The following SLC35F1 variants were observed in gnomAD, a reference collection of about 807,000 sequenced individuals.
SLC35F1 encodes chromosome 6 open reading frame 169.
SLC35F1 carries 14 observed loss-of-function variants against 48.7 expected under a neutral mutation model. That is an observed-to-expected ratio of 0.29 (90% CI 0.19 to 0.45). The LOEUF is 0.45. SLC35F1 is among the 20% of genes least tolerant of loss of function. The pLI, the probability that SLC35F1 is intolerant of heterozygous loss-of-function variation, is 1.00. For missense variants in SLC35F1, 404 were observed against 500.0 expected, an observed-to-expected ratio of 0.81 and a Z score of 1.83; for synonymous variants, 190 against 202.2, an observed-to-expected ratio of 0.94 and a Z score of 0.51.
chr6:117,969,129 T>A (rs1237375282), intron 1 of SLC35F1, among the ~76,000 whole-genome samples: 1 of 152,178 alleles, frequency 6.6e-6, no homozygotes, highest in Non-Finnish European at 1.5e-5. Flanking sequence ...AGAAACAAAC[T>A]GAGAGAGATG....
chr6:118,234,227 G>T (rs1775332967), intron 2 of SLC35F1, among the ~76,000 whole-genome samples: 1 of 152,124 alleles, frequency 6.6e-6, no homozygotes, highest in African/African-American at 2.4e-5. Context: ...CTGCCTCCTG[G>T]TATTCACTCC....
At chr6:117,938,372 C>T (rs1044045912) in intron 1 of SLC35F1, among the ~76,000 whole-genome samples, 1 of 152,222 alleles carries the variant, frequency 6.6e-6, no homozygotes, top group African/African-American at 2.4e-5. Flanking sequence ...ACATTAATAA[C>T]TAAACTCACT....
chr6:118,270,818 G>T (rs1312924920), intron 4 of SLC35F1, among the ~76,000 whole-genome samples: 1 of 152,138 alleles, frequency 6.6e-6, no homozygotes, highest in South Asian at 2.1e-4. Context: ...AAGTTGAAAA[G>T]ATTCAGCACC....
chr6:118,000,283 G>A (rs1311421691), intron 1 of SLC35F1, among the ~76,000 whole-genome samples: 1 of 152,194 alleles, frequency 6.6e-6, no homozygotes, highest in East Asian at 1.9e-4. Context: ...TGTGATGCAA[G>A]GCTGGTTCAA....
At chr6:117,928,682 T>C (rs1776060333) in intron 1 of SLC35F1, among the ~76,000 whole-genome samples, 1 of 152,170 alleles carries the variant, frequency 6.6e-6, no homozygotes, top group African/African-American at 2.4e-5. Flanking sequence ...CACTGTGAGA[T>C]TCCAGACGTA....
At chr6:118,174,933 C>A (rs1774464892) in intron 2 of SLC35F1, among the ~76,000 whole-genome samples, 2 of 151,452 alleles carry the variant, frequency 1.3e-5, no homozygotes, top group South Asian at 2.1e-4. Context: ...GTCTGTAAAC[C>A]ATAAAAGTAC....
intron 1 of SLC35F1, among the ~76,000 whole-genome samples, chr6:118,139,322 C>G (rs1439516663): frequency 6.6e-6 from 1 of 152,126 alleles, no homozygotes; most frequent in African/African-American, 2.4e-5. Flanking sequence ...CCGTGTTAGC[C>G]AGGATGGTCT....
At chr6:118,044,189 T>C (rs1772267574) in intron 1 of SLC35F1, among the ~76,000 whole-genome samples, 1 of 152,214 alleles carries the variant, frequency 6.6e-6, no homozygotes, top group Non-Finnish European at 1.5e-5. Context: ...CTGGAACAGA[T>C]GGCTTATTCA....
At chr6:118,297,756 T>A (rs1776209791) in intron 7 of SLC35F1, among the ~76,000 whole-genome samples, 2 of 144,182 alleles carry the variant, frequency 1.4e-5, no homozygotes, top group Non-Finnish European at 3.0e-5. Flanking sequence ...ATATATATAA[T>A]ATATATATAA....
intron 1 of SLC35F1, among the ~76,000 whole-genome samples, chr6:118,143,544 G>A (rs1773923485): frequency 6.6e-6 from 1 of 152,094 alleles, no homozygotes; most frequent in African/African-American, 2.4e-5. Context: ...CTAAAGGGCA[G>A]GAATCCTCTA....
At chr6:118,077,159 A>T (rs1772834292) in intron 1 of SLC35F1, among the ~76,000 whole-genome samples, 1 of 152,234 alleles carries the variant, frequency 6.6e-6, no homozygotes, top group Non-Finnish European at 1.5e-5. Flanking sequence ...CAACAATACT[A>T]GCAAGATGAA....
chr6:118,164,194 T>C (rs773878403), intron 2 of SLC35F1, among the ~76,000 whole-genome samples: 4 of 152,222 alleles, frequency 2.6e-5, no homozygotes, highest in African/African-American at 9.6e-5. Flanking sequence ...CTTTTAGTGG[T>C]CTATATGAGG....
intron 2 of SLC35F1, among the ~76,000 whole-genome samples, chr6:118,177,995 A>G (rs1054664125): frequency 6.6e-6 from 1 of 152,014 alleles, no homozygotes; most frequent in African/African-American, 2.4e-5. Context: ...GTAGGTGTCA[A>G]ATGATCTCAT....
At chr6:118,222,545 A>G (rs1219525305) in intron 2 of SLC35F1, among the ~76,000 whole-genome samples, 7 of 152,104 alleles carry the variant, frequency 4.6e-5, no homozygotes, top group South Asian at 2.1e-4. Flanking sequence ...ATTTCCCCTC[A>G]TCTACCACCT....
intron 1 of SLC35F1, among the ~76,000 whole-genome samples, chr6:118,139,166 G>A (rs979920328): frequency 9.2e-5 from 14 of 152,226 alleles, no homozygotes; most frequent in East Asian, 5.8e-4. Context: ...AGGCTGGAGC[G>A]CAGTGGTGTG....
chr6:118,159,515 A>G (rs1774196299), intron 2 of SLC35F1, among the ~76,000 whole-genome samples: 2 of 152,136 alleles, frequency 1.3e-5, no homozygotes, highest in Admixed American at 6.5e-5. Context: ...GCTTCCAAAA[A>G]CGTATGCGTT....
At chr6:118,017,651 A>G (rs544501416) in intron 1 of SLC35F1, among the ~76,000 whole-genome samples, 1 of 152,310 alleles carries the variant, frequency 6.6e-6, no homozygotes, top group South Asian at 2.1e-4. Context: ...TGTATAAAAT[A>G]GCTCCAGCGT....
At chr6:118,167,338 C>A (rs534726071) in intron 2 of SLC35F1, among the ~76,000 whole-genome samples, 3 of 152,120 alleles carry the variant, frequency 2.0e-5, no homozygotes, top group Non-Finnish European at 4.4e-5. Flanking sequence ...CTGAGAAATG[C>A]GTCTTTAGGT....
intron 7 of SLC35F1, among the ~76,000 whole-genome samples, chr6:118,300,174 T>C (rs898873753): frequency 6.6e-6 from 1 of 152,212 alleles, no homozygotes; most frequent in Non-Finnish European, 1.5e-5. Context: ...GACCATTTTT[T>C]TTCTTGTCAT....
Sources: allele counts gnomAD v4.1 joint callset (sites outside exome capture counted in the v4.1 genomes callset), GRCh38; gene constraint gnomAD v4.1.1; transcripts MANE v1.5; gene names NCBI Gene and HGNC (gene_info 2026-07-23, HGNC 2026-07-21).